Variants in TMEM132C observed in about 807,000 individuals in gnomAD.
TMEM132C encodes the protein transmembrane protein 132C.
TMEM132C carries 29 observed loss-of-function variants against 61.4 expected under a neutral mutation model. The ratio of observed to expected loss-of-function variants is 0.47; its 90% CI spans 0.35 to 0.64. The LOEUF (loss-of-function observed/expected upper bound fraction) is 0.64, where lower values mean the gene tolerates loss of function less well. Ranked by LOEUF, TMEM132C falls within the 30% of genes least tolerant of loss-of-function variation. The pLI is 0.00. For missense variants in TMEM132C, 1,408 were observed against 1,476.9 expected (o/e 0.95, Z 0.76); for synonymous variants, 656 against 633.1 (o/e 1.04, Z -0.54).
At chr12:128,654,201 C>A (rs1297065554) in intron 4 of TMEM132C, among the ~76,000 whole-genome samples, 1 of 152,162 alleles carries the variant, frequency 6.6e-6, no homozygotes, top group Non-Finnish European at 1.5e-5. Context: ...CATTAGGTGG[C>A]TGCTAATCCA....
chr12:128,705,984 G>A lies in TMEM132C; in HGVS notation c.3016G>A (p.Glu1006Lys), dbSNP rs779428852. 1.5e-5 allele frequency: 23 copies of A among 1,551,536 alleles called. No homozygotes were observed. The Admixed American group carries it at 2.6e-4, about 17-fold the overall frequency. Residue 1006 changes from glutamate to lysine, a missense_variant, in exon 9 of 9, where the codon GAG (glutamate) becomes AAG (lysine). Transcript: ENST00000435159. ...TIIDRGPGACEESNHLLLNGG... is the reference protein window; with the variant it reads ...TIIDRGPGACKESNHLLLNGG... ...CATAGACCGCGGACCGGGGGCCTGC[G>A]AGGAGAGCAACCATCTCCTGCTCAA...
Position 128,278,433 on chromosome 12 carries a change from G to A in TMEM132C, c.85+10946G>A, listed in dbSNP as rs767842902. On this transcript the variant is annotated intron_variant, in intron 1 of 8. Coordinates refer to ENST00000435159, the MANE Select transcript of TMEM132C (RefSeq NM_001136103.3). The surrounding 1 kb of genome is among the most constrained non-coding windows in gnomAD (Gnocchi z 4.2). ...GTTCATATCCTATTAACTAAATGAC[G>A]TTTCCTAGCTGGGATCTCTCACTGC... 1.3e-5 allele frequency among the ~76,000 whole-genome samples: 2 copies of A among 152,142 alleles called. No individual in the cohort carries two copies. Among genetic ancestry groups the A allele is most frequent in the Non-Finnish European group, 2.9e-5 (2 of 68,028 alleles).
chr12:128,636,854 A>G (rs1954108422), intron 4 of TMEM132C, among the ~76,000 whole-genome samples: 1 of 152,076 alleles, frequency 6.6e-6, no homozygotes, highest in Non-Finnish European at 1.5e-5. Context: ...GAATGGAATC[A>G]TGCAGCGTTT....
chr12:128,419,422 A>G (rs1167905567), intron 2 of TMEM132C, among the ~76,000 whole-genome samples: 1 of 152,184 alleles, frequency 6.6e-6, no homozygotes, highest in African/African-American at 2.4e-5. Flanking sequence ...GCTGTGTACA[A>G]GAGATGTACA....
chr12:128,574,318 A>C (rs1476557526), intron 3 of TMEM132C, among the ~76,000 whole-genome samples: 1 of 152,216 alleles, frequency 6.6e-6, no homozygotes, highest in Non-Finnish European at 1.5e-5. Context: ...GTATGATAAT[A>C]GCTAATGTCT....
At chr12:128,501,901 A>T (rs900972893) in intron 2 of TMEM132C, among the ~76,000 whole-genome samples, 1 of 152,182 alleles carries the variant, frequency 6.6e-6, no homozygotes. Context: ...ACACTTTGAC[A>T]TCCTGAGAGC....
chr12:128,378,601 C>T (rs1874296676), intron 1 of TMEM132C, among the ~76,000 whole-genome samples: 1 of 152,166 alleles, frequency 6.6e-6, no homozygotes, highest in African/African-American at 2.4e-5. Context: ...TCTTTCTCCG[C>T]ACGTGAGCCT....
At chr12:128,319,767 A>C (rs1052033419) in intron 1 of TMEM132C, among the ~76,000 whole-genome samples, 7 of 151,484 alleles carry the variant, frequency 4.6e-5, no homozygotes, top group African/African-American at 1.7e-4. Flanking sequence ...TGGAGGTTGC[A>C]GTGAGCCGAG....
intron 2 of TMEM132C, among the ~76,000 whole-genome samples, chr12:128,470,791 C>T (rs1365066344): frequency 4.6e-5 from 7 of 152,172 alleles, no homozygotes; most frequent in African/African-American, 1.7e-4. Flanking sequence ...TCTTTGCAAG[C>T]CAGGTGGCCT....
chr12:128,538,107 G>A (rs1206811663), intron 2 of TMEM132C, among the ~76,000 whole-genome samples: 1 of 125,578 alleles, frequency 8.0e-6, no homozygotes, highest in Non-Finnish European at 1.9e-5. Flanking sequence ...AATAGTAATA[G>A]TACTAGTGGT....
intron 5 of TMEM132C, among the ~76,000 whole-genome samples, chr12:128,676,148 A>G (rs1354088643): frequency 2.5e-4 from 38 of 152,212 alleles, no homozygotes; most frequent in Admixed American, 2.5e-3. Flanking sequence ...CCAGGCTCAC[A>G]TGCACATTTA....
chr12:128,323,391 G>C (rs569110179), intron 1 of TMEM132C, among the ~76,000 whole-genome samples: 2 of 152,228 alleles, frequency 1.3e-5, no homozygotes, highest in Middle Eastern at 3.2e-3. Flanking sequence ...ATTGTCAGGC[G>C]TGACGAAGCA....
intron 2 of TMEM132C, among the ~76,000 whole-genome samples, chr12:128,478,858 G>A (rs1377733118): frequency 2.6e-5 from 4 of 152,178 alleles, no homozygotes; most frequent in Admixed American, 6.5e-5. Flanking sequence ...CATGGTTGGG[G>A]GCCAGTATGT....
intron 4 of TMEM132C, among the ~76,000 whole-genome samples, chr12:128,636,556 G>A (rs1593128435): frequency 8.3e-6 from 1 of 121,168 alleles, no homozygotes; most frequent in East Asian, 2.6e-4. Flanking sequence ...TGTTTTTTGG[G>A]TTTTTGTTTG....
At chr12:128,479,581 G>GT (rs1315057647) in intron 2 of TMEM132C, among the ~76,000 whole-genome samples, 34 of 152,334 alleles carry the variant, frequency 2.2e-4, no homozygotes, top group African/African-American at 7.9e-4. Flanking sequence ...ATGTTCGTTT[G>GT]TTTATATTTT....
intron 2 of TMEM132C, among the ~76,000 whole-genome samples, chr12:128,419,337 A>G (rs768805038): frequency 3.3e-5 from 5 of 152,210 alleles, no homozygotes; most frequent in Non-Finnish European, 7.3e-5. Flanking sequence ...TCCATCCTGC[A>G]TAAAATGAGC....
chr12:128,624,412 C>T (rs933570256), intron 4 of TMEM132C, among the ~76,000 whole-genome samples: 14 of 151,828 alleles, frequency 9.2e-5, no homozygotes, highest in African/African-American at 2.2e-4. Flanking sequence ...GACGTGGTGG[C>T]GGGGGCCTGT....
intron 4 of TMEM132C, among the ~76,000 whole-genome samples, chr12:128,629,510 G>T (rs1954048020): frequency 6.6e-6 from 1 of 152,260 alleles, no homozygotes; most frequent in South Asian, 2.1e-4. Flanking sequence ...CTAATATGAG[G>T]TATCTGAGAT....
At chr12:128,352,470 T>C (rs914956034) in intron 1 of TMEM132C, among the ~76,000 whole-genome samples, 1 of 152,094 alleles carries the variant, frequency 6.6e-6, no homozygotes, top group Non-Finnish European at 1.5e-5. Flanking sequence ...CAAGATGAGA[T>C]TTGGGTGGGA....
Sources: allele counts gnomAD v4.1 joint callset (sites outside exome capture counted in the v4.1 genomes callset), GRCh38; gene constraint gnomAD v4.1.1; non-coding constraint Gnocchi (gnomAD v3.1); transcripts MANE v1.5; gene names NCBI Gene and HGNC (gene_info 2026-07-23, HGNC 2026-07-21).